SLC25A26: variants seen among roughly 807,000 people sequenced by gnomAD.
SLC25A26 encodes the protein solute carrier family 25 member 26.
A neutral mutation model predicts 37.8 loss-of-function variants in SLC25A26; 36 were observed. The observed-to-expected ratio is 0.95, with a 90% CI of 0.73 to 1.26. The LOEUF is 1.26. SLC25A26 is among the 50% of genes most tolerant of loss of function. The probability of loss-of-function intolerance (pLI) is 0.00; values close to 1 mark genes in which losing one functional copy is unlikely to be tolerated. For missense variants in SLC25A26, 390 were observed against 331.1 expected (o/e 1.18, Z -1.38); for synonymous variants, 129 against 122.5 (o/e 1.05, Z -0.35).
chr3:66,326,560 C>T (rs1042326728), intron 5 of SLC25A26, among the ~76,000 whole-genome samples: 1 of 152,176 alleles, frequency 6.6e-6, no homozygotes, highest in Non-Finnish European at 1.5e-5. Flanking sequence ...AGAGTGGTGT[C>T]AAGTGGCATG....
At chr3:66,284,287 T>C (rs1173889259) in intron 5 of SLC25A26, among the ~76,000 whole-genome samples, 4 of 152,194 alleles carry the variant, frequency 2.6e-5, no homozygotes, top group Non-Finnish European at 5.9e-5. Context: ...AAGTGGAGGC[T>C]GCAATGAGCT....
At chr3:66,279,141 C>T (rs1187486111) in intron 5 of SLC25A26, among the ~76,000 whole-genome samples, 2 of 152,046 alleles carry the variant, frequency 1.3e-5, no homozygotes, top group Non-Finnish European at 1.5e-5. Context: ...TTTCTAATTG[C>T]CTTTTCTGTA....
In SLC25A26 at chr3:66,310,433, T is replaced by A. The variant is rs117113824; in HGVS notation, c.454-35931T>A. Reference sequence around the variant, plus strand: ...GGGTCTCCTGAATACAGCACGCCAGTGGGTCTTAACTCTATCCAATTTGCC... The same window carrying A: ...GGGTCTCCTGAATACAGCACGCCAGAGGGTCTTAACTCTATCCAATTTGCC... On this transcript the variant is annotated intron_variant, in intron 5 of 9. Coordinates refer to ENST00000354883, the MANE Select transcript of SLC25A26 (RefSeq NM_001379210.1). Among the ~76,000 whole-genome samples the A allele has an allele frequency of 1.1e-3, 161 of 152,326 alleles. 1 individual carries two copies. The East Asian group carries it at 0.028, about 26-fold the overall frequency.
chr3:66,172,141 C>T (rs1347593411), intron 1 of SLC25A26, among the ~76,000 whole-genome samples: 1 of 151,956 alleles, frequency 6.6e-6, no homozygotes, highest in Non-Finnish European at 1.5e-5. Flanking sequence ...TCAGGCACAG[C>T]AGTTCACACC....
intron 1 of SLC25A26, among the ~76,000 whole-genome samples, chr3:66,194,953 C>T (rs1169066748): frequency 1.3e-5 from 2 of 152,158 alleles, no homozygotes; most frequent in African/African-American, 4.8e-5. Flanking sequence ...ACCTGGGGTC[C>T]CCACCCAGCC....
intron 6 of SLC25A26, among the ~76,000 whole-genome samples, chr3:66,350,178 G>A (rs1272489634): frequency 1.3e-5 from 2 of 152,144 alleles, no homozygotes; most frequent in Non-Finnish European, 2.9e-5. Flanking sequence ...TACCATTCAG[G>A]AAAATTTTTC....
intron 5 of SLC25A26, among the ~76,000 whole-genome samples, chr3:66,286,578 T>A (rs1346774316): frequency 6.6e-6 from 1 of 152,194 alleles, no homozygotes; most frequent in Non-Finnish European, 1.5e-5. Flanking sequence ...AAGCAATGTC[T>A]TTATTTTTCT....
intron 5 of SLC25A26, among the ~76,000 whole-genome samples, chr3:66,276,102 G>A (rs1181784165): frequency 2.0e-5 from 3 of 152,042 alleles, no homozygotes; most frequent in African/African-American, 4.8e-5. Flanking sequence ...CTGTGGGTTC[G>A]ACTACCTGGC....
At chr3:66,136,404 C>A (rs2106655353) in intron 1 of SLC25A26, among the ~76,000 whole-genome samples, 1 of 152,320 alleles carries the variant, frequency 6.6e-6, no homozygotes, top group African/African-American at 2.4e-5. Flanking sequence ...TTATCACTCT[C>A]CATTGGCCTA....
chr3:66,210,605 C>T (rs2071272288), intron 1 of SLC25A26, among the ~76,000 whole-genome samples: 1 of 151,966 alleles, frequency 6.6e-6, no homozygotes, highest in Admixed American at 6.6e-5. Flanking sequence ...GCCTTGACCT[C>T]CAGCTCAAGC....
chr3:66,261,374 A>T (rs2073522251), intron 3 of SLC25A26, among the ~76,000 whole-genome samples: 1 of 152,170 alleles, frequency 6.6e-6, no homozygotes, highest in Admixed American at 6.5e-5. Flanking sequence ...TTCTGAAAAT[A>T]AGTAAATTAC....
At chr3:66,254,619 G>A (rs2073229234) in intron 3 of SLC25A26, among the ~76,000 whole-genome samples, 1 of 152,242 alleles carries the variant, frequency 6.6e-6, no homozygotes, top group African/African-American at 2.4e-5. Flanking sequence ...TGCATTAGAT[G>A]TGTGTAAGTA....
rs148815539 is a variant in SLC25A26 at position 66,221,866 on chromosome 3, A to G, written c.33+739A>G. Among the ~76,000 whole-genome samples, 931 of 151,510 alleles carry G rather than the reference A, an allele frequency of 6.1e-3. 11 individuals are homozygous for G. Among genetic ancestry groups the G allele is most frequent in the African/African-American group, 0.021 (877 of 41,178 alleles). On this transcript the variant is annotated intron_variant, in intron 1 of 9. Coordinates refer to ENST00000354883, the MANE Select transcript of SLC25A26 (RefSeq NM_001379210.1). ...GTGTGGAATGGGCAGAGACAGACAA[A>G]TAATTTTTAAAATGATTTTCATAGG...
At chr3:66,178,466 C>T (rs1194495205) in intron 1 of SLC25A26, among the ~76,000 whole-genome samples, 1 of 152,146 alleles carries the variant, frequency 6.6e-6, no homozygotes, top group Non-Finnish European at 1.5e-5. Context: ...TACTGACAGA[C>T]GTTGTCCCTT....
intron 3 of SLC25A26, among the ~76,000 whole-genome samples, chr3:66,244,583 C>G (rs921301006): frequency 2.6e-5 from 4 of 152,300 alleles, no homozygotes; most frequent in African/African-American, 9.6e-5. Flanking sequence ...ACTGCAGAGA[C>G]ATTGTCATTA....
chr3:66,200,304 G>A (rs1407314350), intron 1 of SLC25A26, among the ~76,000 whole-genome samples: 51 of 152,164 alleles, frequency 3.4e-4, no homozygotes, highest in Admixed American at 3.1e-3. Flanking sequence ...ACTGCCTCTC[G>A]TCTTTACTAC....
At chr3:66,137,894 C>T (rs747830040) in intron 1 of SLC25A26, among the ~76,000 whole-genome samples, 1 of 152,008 alleles carries the variant, frequency 6.6e-6, no homozygotes, top group Non-Finnish European at 1.5e-5. Flanking sequence ...AGTGCAGTAG[C>T]CCAATCTTGG....
At chr3:66,336,272 C>T (rs1177176792) in intron 5 of SLC25A26, among the ~76,000 whole-genome samples, 2 of 152,066 alleles carry the variant, frequency 1.3e-5, no homozygotes, top group Non-Finnish European at 2.9e-5. Flanking sequence ...AAAATAAAAT[C>T]TACCTTTTAT....
At chr3:66,255,179 AG>A (rs1358679821) in intron 3 of SLC25A26, among the ~76,000 whole-genome samples, 2 of 152,144 alleles carry the variant, frequency 1.3e-5, no homozygotes, top group African/African-American at 4.8e-5. Context: ...AGGATCTCAT[AG>A]GTGGCCTAGG....
Sources: gnomAD v4.1 joint callset for allele counts (sites outside exome capture counted in the v4.1 genomes callset) on GRCh38, gnomAD v4.1.1 for gene constraint, MANE v1.5 for transcripts, NCBI Gene and HGNC (gene_info 2026-07-23, HGNC 2026-07-21) for gene names.